COL12A1: variants seen among roughly 807,000 people sequenced by gnomAD.
The protein encoded by COL12A1 is collagen type XII alpha 1 chain, also known as collagen alpha-1(XII) chain.
In COL12A1, 114 loss-of-function variants were observed where a neutral mutation model predicts 349.7. The ratio of observed to expected loss-of-function variants is 0.33; its 90% CI spans 0.28 to 0.38. The LOEUF (loss-of-function observed/expected upper bound fraction) is 0.38, where lower values mean the gene tolerates loss of function less well. Ranked by LOEUF, COL12A1 falls within the 10% of genes least tolerant of loss-of-function variation. The pLI, the probability that COL12A1 is intolerant of heterozygous loss-of-function variation, is 1.00. For synonymous variants in COL12A1, 1,369 were observed against 1,329.0 expected, an observed-to-expected ratio of 1.03 and a Z score of -0.66; for missense variants, 3,284 against 3,756.9, an observed-to-expected ratio of 0.87 and a Z score of 3.29.
At chr6:75,173,678 CACT>C (rs1430836895) in intron 13 of COL12A1, among the ~76,000 whole-genome samples, 1 of 152,128 alleles carries the variant, frequency 6.6e-6, no homozygotes, top group Non-Finnish European at 1.5e-5. Flanking sequence ...CCTGCCCGAT[CACT>C]ACTATTTAAA....
Position 75,147,807 on chromosome 6 carries a change from A to G in COL12A1, c.4288-3T>C, listed in dbSNP as rs1767277228. On this transcript the variant is annotated splice_region_variant and splice_polypyrimidine_tract_variant and intron_variant, in intron 22 of 65. Coordinates refer to ENST00000322507, the MANE Select transcript of COL12A1 (RefSeq NM_004370.6). Reference sequence around the variant, plus strand: ...GTTTCCATTCGACTCACATAAAACTAGGGGGAAAAATTAAACAGAGCAACA... The same window carrying G: ...GTTTCCATTCGACTCACATAAAACTGGGGGGAAAAATTAAACAGAGCAACA... 2 of 1,611,596 alleles carry G rather than the reference A, an allele frequency of 1.2e-6. No individual in the cohort carries two copies. The highest frequency in any genetic ancestry group is 1.7e-6 in the Non-Finnish European group (2 of 1,179,130).
chr6:75,095,039 C>G, intron 60 of COL12A1, 69 bp downstream of exon 60: 1 of 1,372,286 alleles, frequency 7.3e-7, no homozygotes, highest in Non-Finnish European at 1.0e-6. Context: ...TATAACAAAG[C>G]TTTGCAGTTC....
intron 8 of COL12A1, among the ~76,000 whole-genome samples, chr6:75,184,673 T>G (rs573989896): frequency 2.5e-4 from 38 of 152,164 alleles, no homozygotes; most frequent in Admixed American, 6.6e-5. Context: ...TTCACTAGTT[T>G]CAGGGTAAGA....
chr6:75,180,087 G>A (rs964525349), intron 11 of COL12A1, among the ~76,000 whole-genome samples: 27 of 152,158 alleles, frequency 1.8e-4, no homozygotes, highest in African/African-American at 5.6e-4. Flanking sequence ...TTTGAGCCTA[G>A]GATTTTGAGG....
intron 3 of COL12A1, among the ~76,000 whole-genome samples, chr6:75,193,617 C>T (rs1397524431): frequency 2.0e-5 from 3 of 152,114 alleles, no homozygotes; most frequent in East Asian, 3.9e-4. Flanking sequence ...TTCTAGAGTA[C>T]GTGTGCACAA....
intron 2 of COL12A1, 68 bp downstream of exon 2, chr6:75,202,652 G>A: frequency 6.9e-7 from 1 of 1,453,674 alleles, no homozygotes; most frequent in Non-Finnish European, 9.4e-7. Flanking sequence ...ATAGAAGCAA[G>A]AAAGATGTGT....
chr6:75,195,022 G>A, intron 2 of COL12A1, 75 bp from the exon 3 acceptor site: 1 of 797,516 alleles, frequency 1.3e-6, no homozygotes, highest in South Asian at 2.1e-5. Context: ...AAAGAATTGT[G>A]TTGAGCAAAG....
At chr6:75,177,158 C>T (rs1356789315) in intron 12 of COL12A1, among the ~76,000 whole-genome samples, 2 of 152,112 alleles carry the variant, frequency 1.3e-5, no homozygotes, top group South Asian at 2.1e-4. Context: ...GACACAAGGC[C>T]GGGCGTGGTG....
intron 23 of COL12A1, among the ~76,000 whole-genome samples, chr6:75,147,436 C>G (rs1767253111): frequency 1.3e-5 from 2 of 152,124 alleles, no homozygotes; most frequent in African/African-American, 2.4e-5. Flanking sequence ...TGTTTTCCCT[C>G]TAGATTATTA....
rs868441671 is a variant in COL12A1 at position 75,095,650 on chromosome 6, A to T, written c.8578-471T>A. 6.8e-3 allele frequency among the ~76,000 whole-genome samples: 1,003 copies of T among 146,596 alleles called. 8 individuals are homozygous for T. The highest frequency in any genetic ancestry group is 0.024 in the African/African-American group (947 of 39,122). On this transcript the variant is annotated intron_variant, in intron 59 of 65. Transcript: ENST00000322507. ...AAAAAAAAAAAAAAAAAAAAAAAAA[A>T]AGATAACATGAAATAAAAAACTCTT... is the stretch of plus-strand genomic sequence containing the variant.
chr6:75,189,243 T>A lies in COL12A1; in HGVS notation c.797A>T (p.Asn266Ile). 6.2e-7 allele frequency: 1 copy of A among 1,612,982 alleles called. No homozygotes were observed. Among genetic ancestry groups the A allele is most frequent in the Non-Finnish European group, 8.5e-7 (1 of 1,179,354 alleles). Residue 266 changes from asparagine to isoleucine, a missense_variant, in exon 7 of 66, where the codon AAT (asparagine) becomes ATT (isoleucine). By Grantham distance (149) the Asn-to-Ile change is moderately radical. Transcript: ENST00000322507. ...EVEIPARELRNVGVEVFSLGI... is the reference protein window; with the variant it reads ...EVEIPARELRIVGVEVFSLGI... ...CAAGGAGAAAACTTCAACTCCAACATTACGAAGCTCTCTTGCTGGAATTTC... is the reference window on the plus strand; with the variant it reads ...CAAGGAGAAAACTTCAACTCCAACAATACGAAGCTCTCTTGCTGGAATTTC...
intron 13 of COL12A1, among the ~76,000 whole-genome samples, chr6:75,166,617 T>G (rs1376021823): frequency 2.0e-5 from 3 of 152,212 alleles, no homozygotes; most frequent in African/African-American, 7.2e-5. Context: ...CACTTTATAT[T>G]GTCTACCTTT....
rs375043994 is a variant in COL12A1, at chr6:75,152,192, G to C, written c.3774C>G (p.Asp1258Glu). 9.3e-6 allele frequency: 15 copies of C among 1,613,608 alleles called. No individual in the cohort carries two copies. The highest frequency in any genetic ancestry group is 1.2e-5 in the Non-Finnish European group (14 of 1,179,828). The change falls in exon 19 of 66, where the codon GAC (aspartate) becomes GAG (glutamate). Residue 1258 changes from aspartate to glutamate, a missense_variant. Physicochemically the swap from Asp to Glu is conservative, Grantham distance 45. Transcript: ENST00000322507. Reference protein sequence around the residue: ...RTEWQLNAHRDKKSLLQAVAN... With the variant: ...RTEWQLNAHREKKSLLQAVAN... ...CCACAGCTTGCAACAAGCTCTTCTT[G>C]TCTCTGTGTGCATTTAACTGCCACT...
rs1232482250 is a variant in COL12A1 at position 75,119,409 on chromosome 6, T to C, written c.7151A>G (p.Lys2384Arg). Residue 2384 changes from lysine to arginine, a missense_variant, in exon 45 of 66, where the codon AAG becomes AGG. Physicochemically the swap from Lys to Arg is conservative, Grantham distance 26 (BLOSUM62 2). This residue lies in a region of COL12A1 where 683 missense variants were observed against 932.1 expected (regional missense o/e 0.73). Transcript: ENST00000322507. ...SEFKLNTYND[K>R]ALALGALQNI... ...CTGGAGGGCCCCAAGGGCTAGGGCC[T>C]TGTCATTGTACGTGTTCAGCTTGAA... 1 of 1,613,988 alleles carries C rather than the reference T, an allele frequency of 6.2e-7. No individual in the cohort carries two copies. Among genetic ancestry groups the C allele is most frequent in the Admixed American group, 1.7e-5 (1 of 60,000 alleles).
rs536622585 is a variant in COL12A1, at chr6:75,155,826, G to C, written c.3279C>G (p.Leu1093=). 3.3e-5 allele frequency: 53 copies of C among 1,609,640 alleles called. No individual in the cohort carries two copies. Among genetic ancestry groups the C allele is most frequent in the Admixed American group, 8.5e-5 (5 of 58,936 alleles). ...TASRFKSPRN[L]KTSDPTMSSF... ...TTGACATGGTTGGGTCAGATGTTTTGAGGTTTCTAGGAGACTTAAACCGAG... is the reference window on the plus strand; with the variant it reads ...TTGACATGGTTGGGTCAGATGTTTTCAGGTTTCTAGGAGACTTAAACCGAG... Residue 1093 remains leucine, a synonymous_variant, in exon 16 of 66, where the codon CTC becomes CTG. Coordinates refer to ENST00000322507, the MANE Select transcript of COL12A1 (RefSeq NM_004370.6).
intron 59 of COL12A1, among the ~76,000 whole-genome samples, chr6:75,096,073 T>A (rs1042562535): frequency 1.3e-5 from 2 of 152,122 alleles, no homozygotes; most frequent in East Asian, 1.9e-4. Context: ...CCCACCAAAA[T>A]CATAAGATTT....
At chr6:75,140,565 A>T (rs2149398899) in intron 27 of COL12A1, among the ~76,000 whole-genome samples, 1 of 148,440 alleles carries the variant, frequency 6.7e-6, no homozygotes, top group Non-Finnish European at 1.5e-5. Context: ...CTGAGGCAGG[A>T]TAATGGCGTG....
Position 75,146,182 on chromosome 6 carries a change from A to G in COL12A1, c.4480T>C (p.Trp1494Arg). 6.2e-7 allele frequency: 1 copy of G among 1,613,672 alleles called. No individual in the cohort carries two copies. Residue 1494 changes from tryptophan to arginine, a missense_variant, in exon 24 of 66, where the codon TGG becomes CGG. Physicochemically the swap from Trp to Arg is moderately radical, Grantham distance 101. Around this residue, in one of 2 missense-constraint regions of COL12A1, gnomAD observed 2,601 missense variants for 2,824.8 expected, o/e 0.92. Coordinates refer to ENST00000322507, the MANE Select transcript of COL12A1 (RefSeq NM_004370.6). ...DVGPTTMHVQWQPVGGATGYI... is the reference protein window; with the variant it reads ...DVGPTTMHVQRQPVGGATGYI... ...CCAGTAGCTCCTCCCACAGGCTGCC[A>G]CTGCACATGCATGGTGGTAGGGCCA... is the stretch of plus-strand genomic sequence containing the variant.
At chr6:75,131,024 A>G in intron 35 of COL12A1, 43 bp from the exon 36 acceptor site, 1 of 1,613,074 alleles carries the variant, frequency 6.2e-7, no homozygotes, top group Non-Finnish European at 8.5e-7. Flanking sequence ...CAACAACTCA[A>G]ATGCTTACCA....
Sources: gnomAD v4.1 joint callset for allele counts (sites outside exome capture counted in the v4.1 genomes callset) on GRCh38, gnomAD v4.1.1 for gene constraint, gnomAD v4.1.1 regional missense constraint, MANE v1.5 for transcripts, NCBI Gene and HGNC (gene_info 2026-07-23, HGNC 2026-07-21) for gene names.